The following DLGAP2 variants were observed in gnomAD, a reference collection of about 807,000 sequenced individuals.
DLGAP2 encodes DLG associated protein 2.
Under a neutral mutation model 100.3 loss-of-function variants are expected in DLGAP2, and 26 were observed. The ratio of observed to expected loss-of-function variants is 0.26; its 90% CI spans 0.19 to 0.36. The LOEUF (loss-of-function observed/expected upper bound fraction) is 0.36. Among genes scored for constraint, DLGAP2 ranks in the 10% least tolerant of loss-of-function variants. The pLI, the probability that DLGAP2 is intolerant of heterozygous loss-of-function variation, is 1.00. For synonymous variants in DLGAP2, 886 were observed against 630.1 expected, an observed-to-expected ratio of 1.41 and a Z score of -6.08; for missense variants, 1,858 against 1,453.2, an observed-to-expected ratio of 1.28 and a Z score of -4.53.
chr8:1,157,546 C>A (rs1476494236), intron 2 of DLGAP2, among the ~76,000 whole-genome samples: 4 of 152,330 alleles, frequency 2.6e-5, no homozygotes, highest in Non-Finnish European at 5.9e-5. Context: ...CAGAACCAAT[C>A]AGGCTGTGCT....
chr8:867,022 A>C (rs1797510918), intron 1 of DLGAP2, among the ~76,000 whole-genome samples: 1 of 152,174 alleles, frequency 6.6e-6, no homozygotes, highest in African/African-American at 2.4e-5. Context: ...CTTCCCCATG[A>C]GTCAGACATC....
chr8:1,030,806 C>A (rs1584993851), intron 2 of DLGAP2, among the ~76,000 whole-genome samples: 1 of 152,266 alleles, frequency 6.6e-6, no homozygotes, highest in South Asian at 2.1e-4. Context: ...AAAGCAAAGG[C>A]ACTGAAGGCA....
chr8:1,373,435 GC>G (rs1162149235), intron 3 of DLGAP2, among the ~76,000 whole-genome samples: 1 of 152,188 alleles, frequency 6.6e-6, no homozygotes, highest in African/African-American at 2.4e-5. Flanking sequence ...AGGACGGGGG[GC>G]CGGACAGAGA....
chr8:1,599,850 T>A (rs1436444713), intron 6 of DLGAP2, among the ~76,000 whole-genome samples: 2 of 152,234 alleles, frequency 1.3e-5, no homozygotes, highest in Non-Finnish European at 2.9e-5. Context: ...GTCTTTTAAC[T>A]GGGACATTTA....
chr8:1,684,588 ATTCAGTCAGTCTTCTATGG>A (rs1025636512), intron 12 of DLGAP2, among the ~76,000 whole-genome samples: 4 of 152,170 alleles, frequency 2.6e-5, no homozygotes, highest in African/African-American at 9.7e-5. Context: ...ATGAATCTAG[ATTCAGTCAGTCTTCTATGG>A]TTAATAAAAT....
Position 1,388,607 on chromosome 8 carries a change from G to A in DLGAP2, c.107-112759G>A, listed in dbSNP as rs549295184. Among the ~76,000 whole-genome samples, 3 of 81,544 alleles carry A rather than the reference G, an allele frequency of 3.7e-5. 1 individual carries two copies. In the East Asian group the frequency reaches 1.7e-3, roughly 46 times the overall value. The allele number at this position is 81,544 out of a possible 152,430, so 53.5% of individuals were successfully genotyped here. On this transcript the variant is annotated intron_variant, in intron 3 of 14. Coordinates refer to ENST00000637795, the MANE Select transcript of DLGAP2 (RefSeq NM_001346810.2). ...CAGGTGTCAGGGCTGTGAGAGCAGAGGCCGTGGATGGGGAGGCTCTGGTTC... is the reference window on the plus strand; with the variant it reads ...CAGGTGTCAGGGCTGTGAGAGCAGAAGCCGTGGATGGGGAGGCTCTGGTTC...
chr8:1,697,286 C>A lies in DLGAP2; in HGVS notation c.2936C>A (p.Ser979Tyr), dbSNP rs371362280. 17 of 1,605,098 alleles carry A rather than the reference C, an allele frequency of 1.1e-5. No homozygotes were observed. The Middle Eastern group carries it at 6.6e-4, about 63-fold the overall frequency. The change falls in exon 14 of 15, where the codon TCC (serine) becomes TAC (tyrosine). Residue 979 changes from serine to tyrosine, a missense_variant. Coordinates refer to ENST00000637795, the MANE Select transcript of DLGAP2 (RefSeq NM_001346810.2). ...LRLNDWKMME[S>Y]PERKEERKVP... Reference sequence around the variant, plus strand: ...CTCAACGACTGGAAGATGATGGAGTCCCCGGAAAGAAAGGTAAGGGCATCC... The same window carrying A: ...CTCAACGACTGGAAGATGATGGAGTACCCGGAAAGAAAGGTAAGGGCATCC...
intron 2 of DLGAP2, among the ~76,000 whole-genome samples, chr8:1,193,929 TC>T (rs1797694942): frequency 6.6e-6 from 1 of 152,158 alleles, no homozygotes; most frequent in Non-Finnish European, 1.5e-5. Context: ...AGGGACGTTT[TC>T]GTTCTCAGTA....
At chr8:1,541,297 CA>C (rs1458176499) in intron 4 of DLGAP2, among the ~76,000 whole-genome samples, 1 of 152,204 alleles carries the variant, frequency 6.6e-6, no homozygotes, top group African/African-American at 2.4e-5. Context: ...TAGTTTAAGA[CA>C]TTCTGCTAAG....
At chr8:1,456,554 T>G (rs888218922) in intron 3 of DLGAP2, among the ~76,000 whole-genome samples, 2 of 152,204 alleles carry the variant, frequency 1.3e-5, no homozygotes, top group African/African-American at 4.8e-5. Context: ...AAAAACTGGT[T>G]TGTAAAAATT....
chr8:905,052 G>A (rs1049810345), intron 1 of DLGAP2, among the ~76,000 whole-genome samples: 31 of 152,300 alleles, frequency 2.0e-4, no homozygotes, highest in Non-Finnish European at 2.8e-4. Flanking sequence ...CGGGTAGAAT[G>A]CTGTCAACGT....
chr8:990,052 C>A (rs1800611884), intron 2 of DLGAP2, among the ~76,000 whole-genome samples: 1 of 152,056 alleles, frequency 6.6e-6, no homozygotes, highest in South Asian at 2.1e-4. Context: ...GGCTTCATTA[C>A]AGATCACTGC....
At chr8:1,517,566 C>T (rs182016580) in intron 4 of DLGAP2, among the ~76,000 whole-genome samples, 23 of 152,260 alleles carry the variant, frequency 1.5e-4, no homozygotes, top group Admixed American at 1.4e-3. Context: ...GAGAAGCTCT[C>T]CTCCGAGTCA....
chr8:1,682,174 C>A (rs976978309), intron 12 of DLGAP2, among the ~76,000 whole-genome samples: 7 of 152,190 alleles, frequency 4.6e-5, no homozygotes, highest in African/African-American at 1.7e-4. Flanking sequence ...CGACTGTGAC[C>A]CACGTGTGGT....
intron 3 of DLGAP2, chr8:1,301,654 T>G (rs891693826): frequency 1.3e-5 from 2 of 152,262 alleles, no homozygotes; most frequent in African/African-American, 2.4e-5. Flanking sequence ...CAACATAAGC[T>G]TCACGTTTTA....
At chr8:1,262,401 T>C (rs1440595376) in intron 3 of DLGAP2, 1 of 152,168 alleles carries the variant, frequency 6.6e-6, no homozygotes, top group Non-Finnish European at 1.5e-5. Context: ...ACTGGTACCT[T>C]TGTTCCTACC....
intron 3 of DLGAP2, among the ~76,000 whole-genome samples, chr8:1,374,078 G>GT (rs1802326051): frequency 7.4e-5 from 11 of 148,366 alleles, no homozygotes; most frequent in East Asian, 4.0e-4. Flanking sequence ...ACGGCTGTGT[G>GT]GTGGAGGTTA....
intron 1 of DLGAP2, among the ~76,000 whole-genome samples, chr8:769,314 C>G (rs1035578534): frequency 3.9e-5 from 6 of 151,962 alleles, no homozygotes; most frequent in South Asian, 4.2e-4. Flanking sequence ...ACTTGGATAT[C>G]CAGCAGAAAA....
chr8:1,319,419 G>A (rs1800843819), intron 3 of DLGAP2, among the ~76,000 whole-genome samples: 1 of 152,208 alleles, frequency 6.6e-6, no homozygotes, highest in Non-Finnish European at 1.5e-5. Flanking sequence ...AAATGAGTGT[G>A]TCTGCCCACT....
Sources: gnomAD v4.1 joint callset for allele counts (sites outside exome capture counted in the v4.1 genomes callset) on GRCh38, gnomAD v4.1.1 for gene constraint, MANE v1.5 for transcripts, NCBI Gene and HGNC (gene_info 2026-07-23, HGNC 2026-07-21) for gene names.